ZNF224: variants seen among roughly 807,000 people sequenced by gnomAD.
The protein encoded by ZNF224 is zinc finger protein 224.
In ZNF224, 8 loss-of-function variants were observed where a neutral mutation model predicts 10.5. The ratio of observed to expected loss-of-function variants is 0.76; its 90% CI spans 0.45 to 1.37. The LOEUF (loss-of-function observed/expected upper bound fraction) is 1.37. Ranked by LOEUF, ZNF224 falls within the 40% of genes most tolerant of loss-of-function variation. The pLI is 0.00. For synonymous variants in ZNF224, 282 were observed against 287.8 expected (o/e 0.98, Z 0.20); for missense variants, 754 against 854.0 (o/e 0.88, Z 1.46).
chr19:44,098,870 C>T (rs968670941), intron 3 of ZNF224, among the ~76,000 whole-genome samples: 5 of 152,246 alleles, frequency 3.3e-5, no homozygotes, highest in Admixed American at 1.3e-4. Context: ...TGAGCCACCG[C>T]GCCCAGCCTA....
Position 44,108,018 on chromosome 19 carries a change from A to G in ZNF224, c.1858A>G (p.Arg620Gly), listed in dbSNP as rs1967739775. 4 of 1,614,100 alleles carry G rather than the reference A, an allele frequency of 2.5e-6. No homozygotes were observed. The highest frequency in any genetic ancestry group is 2.5e-6 in the Non-Finnish European group (3 of 1,180,042). ...TCTGACCCATCAGAGACGCCACAGC[A>G]GAGAAACACCTCTCAAATGTGAGCA... Reference protein sequence around the residue: ...TRLTHQRRHSRETPLKCEQHG... With the variant: ...TRLTHQRRHSGETPLKCEQHG... The change falls in exon 6 of 6, where the codon AGA becomes GGA. Residue 620 changes from arginine to glycine, a missense_variant. Transcript: ENST00000693561.
At chr19:44,096,028 T>G (rs186039691) in intron 1 of ZNF224, 1 of 152,114 alleles carries the variant, frequency 6.6e-6, no homozygotes, top group Non-Finnish European at 1.5e-5. Context: ...TGTATATTTA[T>G]AGGTTTATTT....
chr19:44,101,928 C>T (rs1967555939), intron 5 of ZNF224, among the ~76,000 whole-genome samples: 1 of 151,894 alleles, frequency 6.6e-6, no homozygotes, highest in African/African-American at 2.4e-5. Flanking sequence ...TCTTCTTATG[C>T]CTTCCTCTTT....
In ZNF224 at chr19:44,103,808, G is replaced by A. The variant is rs910231636; in HGVS notation, c.235+2583G>A. On this transcript the variant is annotated intron_variant, in intron 5 of 5. Coordinates refer to ENST00000693561, the MANE Select transcript of ZNF224 (RefSeq NM_001321645.3). Reference sequence around the variant, plus strand: ...TGAGTTCACATGATTCTCATACCTCGGCCTCCCACGTAGCTGGGATTATAG... The same window carrying A: ...TGAGTTCACATGATTCTCATACCTCAGCCTCCCACGTAGCTGGGATTATAG... Among the ~76,000 whole-genome samples the A allele has an allele frequency of 7.3e-5, 11 of 151,682 alleles. 1 individual carries two copies. Among genetic ancestry groups the A allele is most frequent in the Admixed American group, 2.0e-4 (3 of 15,218 alleles).
At position 44,107,164 on chromosome 19, in the gene ZNF224, G is replaced by A. The variant is rs146100025; in HGVS notation, c.1004G>A (p.Arg335His). 1.5e-3 allele frequency: 2,329 copies of A among 1,605,818 alleles called. 10 individuals are homozygous for A. The highest frequency in any genetic ancestry group is 4.5e-3 in the Admixed American group (268 of 59,026). The change falls in exon 6 of 6, where the codon CGC becomes CAC. Residue 335 changes from arginine (R) to histidine (H), a missense_variant. By Grantham distance (29) the Arg-to-His change is conservative. Coordinates refer to ENST00000693561, the MANE Select transcript of ZNF224 (RefSeq NM_001321645.3). Reference sequence around the variant, plus strand: ...CAGAGATCAGCACTTAATAGTCATCGCATGATCCACACAGGAGAGAAACCA... The same window carrying A: ...CAGAGATCAGCACTTAATAGTCATCACATGATCCACACAGGAGAGAAACCA... ...FRQRSALNSHRMIHTGEKPYK... is the reference protein window; with the variant it reads ...FRQRSALNSHHMIHTGEKPYK...
chr19:44,100,894 A>T lies in ZNF224; in HGVS notation c.109A>T (p.Met37Leu). ...LAQRKLYRDV[M>L]LENFRNLLSV... ...TCAGAGGAAGCTGTATCGAGATGTG[A>T]TGCTGGAGAACTTCAGGAACCTGCT... Residue 37 changes from methionine (M) to leucine (L), a missense_variant, in exon 4 of 6, where the codon ATG becomes TTG. Coordinates refer to ENST00000693561, the MANE Select transcript of ZNF224 (RefSeq NM_001321645.3). 3 of 1,614,082 alleles carry T rather than the reference A, an allele frequency of 1.9e-6. No homozygotes were observed. The highest frequency in any genetic ancestry group is 2.5e-6 in the Non-Finnish European group (3 of 1,179,998).
intron 3 of ZNF224, among the ~76,000 whole-genome samples, chr19:44,099,985 A>T (rs1241542634): frequency 6.6e-6 from 1 of 152,274 alleles, no homozygotes; most frequent in Admixed American, 6.5e-5. Flanking sequence ...CATTATTTAG[A>T]ATAACAATAG....
At chr19:44,100,748 C>G in intron 3 of ZNF224, 53 bp from the exon 4 acceptor site, 1 of 1,591,378 alleles carries the variant, frequency 6.3e-7, no homozygotes, top group South Asian at 1.1e-5. Context: ...TGCCACCCCT[C>G]TCCCAGGAAT....
chr19:44,100,714 C>T, intron 3 of ZNF224, 87 bp from the exon 4 acceptor site: 1 of 1,489,810 alleles, frequency 6.7e-7, no homozygotes, highest in Non-Finnish European at 9.0e-7. Flanking sequence ...AACAACTTCC[C>T]ACCCCTCCCC....
chr19:44,107,859 C>T lies in ZNF224; in HGVS notation c.1699C>T (p.Pro567Ser). The T allele has an allele frequency of 6.2e-7, 1 of 1,601,728 alleles. No individual in the cohort carries two copies. Among genetic ancestry groups the T allele is most frequent in the Non-Finnish European group, 8.5e-7 (1 of 1,172,472 alleles). ...KHQRLHSGEKPFKCEECGKRF... is the reference protein window; with the variant it reads ...KHQRLHSGEKSFKCEECGKRF... Reference sequence around the variant, plus strand: ...TCAGAGACTGCACAGTGGAGAAAAACCATTCAAATGTGAAGAGTGTGGGAA... The same window carrying T: ...TCAGAGACTGCACAGTGGAGAAAAATCATTCAAATGTGAAGAGTGTGGGAA... The change falls in exon 6 of 6, where the codon CCA becomes TCA. Residue 567 changes from proline to serine, a missense_variant. Coordinates refer to ENST00000693561, the MANE Select transcript of ZNF224 (RefSeq NM_001321645.3).
rs756380483 is a variant in ZNF224 at position 44,107,582 on chromosome 19, TGA to T, written c.1427_1428del (p.Arg476ThrfsTer11). 14 of 1,613,522 alleles carry T rather than the reference TGA, an allele frequency of 8.7e-6. No individual in the cohort carries two copies. The highest frequency in any genetic ancestry group is 1.3e-5 in the African/African-American group (1 of 74,828). ...GTCGGGCCCCATGTCTTTTGAAACATGAGAGACTCCACAGTGGAGAAAAACCA... is the reference window on the plus strand; with the variant it reads ...GTCGGGCCCCATGTCTTTTGAAACATGAGACTCCACAGTGGAGAAAAACCA... ...FSRAPCLLKH[E>X]RLHSGEKPFQ... On this transcript the variant is annotated frameshift_variant, in exon 6 of 6. Coordinates refer to ENST00000693561, the MANE Select transcript of ZNF224 (RefSeq NM_001321645.3). LOFTEE classifies it low-confidence loss of function (END_TRUNC).
At chr19:44,104,321 G>T (rs1228953572) in intron 5 of ZNF224, among the ~76,000 whole-genome samples, 3 of 152,168 alleles carry the variant, frequency 2.0e-5, no homozygotes, top group African/African-American at 7.2e-5. Context: ...TTATTGTGAA[G>T]AGTTTAACTG....
intron 5 of ZNF224, chr19:44,106,176 ATTG>A (rs747756391): frequency 8.8e-6 from 5 of 570,488 alleles, no homozygotes; most frequent in Non-Finnish European, 1.5e-5. Flanking sequence ...GTCAACATCT[ATTG>A]TTTTTCGTCT....
rs1329851158 is a variant in ZNF224 at position 44,109,470 on chromosome 19, G to A, written c.*1186G>A. 6.6e-6 allele frequency: 1 copy of A among 152,106 alleles called. No individual in the cohort carries two copies. The highest frequency in any genetic ancestry group is 1.5e-5 in the Non-Finnish European group (1 of 68,026). 9.4% of individuals were successfully genotyped at this position (152,106 alleles called of 1,614,324 possible). A position where few individuals can be genotyped will look rare whatever the true frequency, so the allele number is the denominator to read the frequency against. ...TCATCAAATATATTCATTATTGGGG[G>A]CAGGAGTAACATTTAAATCCTCCTC... On this transcript the variant is annotated 3_prime_UTR_variant, in exon 6 of 6. Coordinates refer to ENST00000693561, the MANE Select transcript of ZNF224 (RefSeq NM_001321645.3).
chr19:44,108,029 T>A lies in ZNF224; in HGVS notation c.1869T>A (p.Pro623=), dbSNP rs905003189. ...AGAGACGCCACAGCAGAGAAACACC[T>A]CTCAAATGTGAGCAGCATGGGAAGA... The part of the protein sequence containing the change: ...THQRRHSRET[P]LKCEQHGKNI... Residue 623 remains proline, a synonymous_variant, in exon 6 of 6, where the codon CCT becomes CCA. Transcript: ENST00000693561. 3 of 1,613,908 alleles carry A rather than the reference T, an allele frequency of 1.9e-6. No homozygotes were observed. The highest frequency in any genetic ancestry group is 2.7e-5 in the African/African-American group (2 of 74,858).
rs1967674540 is a variant in ZNF224, at chr19:44,106,777, G to GTGAC, written c.618_621dup (p.Val208Ter). On this transcript the variant is annotated frameshift_variant, in exon 6 of 6. Transcript: ENST00000693561. LOFTEE classifies it low-confidence loss of function (END_TRUNC). The stretch of plus-strand genomic sequence containing the variant: ...CACATGGGAGAGAAATGCTATAAGT[G>GTGAC]TGACGTGTGTGGTAAGGAATTCAGT... 1 of 1,613,818 alleles carries GTGAC rather than the reference G, an allele frequency of 6.2e-7. No homozygotes were observed.
chr19:44,099,335 A>G (rs974965729), intron 3 of ZNF224, among the ~76,000 whole-genome samples: 10 of 152,314 alleles, frequency 6.6e-5, no homozygotes, highest in African/African-American at 2.2e-4. Flanking sequence ...GATGCCTTAC[A>G]CAAACCAGAA....
rs80308924 is a variant in ZNF224 at position 44,097,130 on chromosome 19, A to G, written c.-68-676A>G. The G allele has an allele frequency of 3.2e-3, 615 of 193,944 alleles. 3 individuals are homozygous for G. The highest frequency in any genetic ancestry group is 0.013 in the African/African-American group (561 of 42,538). The allele number at this position is 193,944 out of a possible 1,614,324, so 12.0% of individuals were successfully genotyped here. A position where few individuals can be genotyped will look rare whatever the true frequency, so the allele number is the denominator to read the frequency against. ...AAAGAATAAAGTTTCTTAGGAATAGATAACATTATTAGTGGGCATTCAGCT... is the reference window on the plus strand; with the variant it reads ...AAAGAATAAAGTTTCTTAGGAATAGGTAACATTATTAGTGGGCATTCAGCT... On this transcript the variant is annotated intron_variant, in intron 2 of 5. Coordinates refer to ENST00000693561, the MANE Select transcript of ZNF224 (RefSeq NM_001321645.3).
In ZNF224 at chr19:44,106,536, AAAG is replaced by A. The variant is rs775590107; in HGVS notation, c.380_382del (p.Glu127del). 168 of 1,614,208 alleles carry A rather than the reference AAAG, an allele frequency of 1.0e-4. 3 individuals carry two copies. The South Asian group carries it at 1.8e-3, about 17-fold the overall frequency. The stretch of plus-strand genomic sequence containing the variant: ...GATGATAAATAGCTCTCAGTTCTCC[AAAG>A]AAGGTGATTTCCCCTGCCAGACTGA... On this transcript the variant is annotated inframe_deletion, in exon 6 of 6. Transcript: ENST00000693561.
Sources: allele counts gnomAD v4.1 joint callset (sites outside exome capture counted in the v4.1 genomes callset), GRCh38; gene constraint gnomAD v4.1.1; transcripts MANE v1.5; gene names NCBI Gene and HGNC (gene_info 2026-07-23, HGNC 2026-07-21).